PDGFD: variants seen among roughly 807,000 people sequenced by gnomAD.
PDGFD encodes platelet derived growth factor D.
PDGFD carries 30 observed loss-of-function variants against 44.7 expected under a neutral mutation model. The observed-to-expected ratio is 0.67, with a 90% confidence interval of 0.50 to 0.91. The LOEUF is 0.91. Among genes scored for constraint, PDGFD ranks in the 40% least tolerant of loss-of-function variants. The pLI, the probability that PDGFD is intolerant of heterozygous loss-of-function variation, is 0.00. For synonymous variants in PDGFD, 173 were observed against 168.4 expected (o/e 1.03, Z -0.21); for missense variants, 445 against 457.8 (o/e 0.97, Z 0.25).
At chr11:103,939,417 CTT>C (rs1465331093) in intron 5 of PDGFD, among the ~76,000 whole-genome samples, 4 of 152,108 alleles carry the variant, frequency 2.6e-5, no homozygotes, top group Non-Finnish European at 5.9e-5. Flanking sequence ...TATCCTGAGA[CTT>C]TGCTGAAATT....
At chr11:103,992,158 G>A (rs1859465065) in intron 3 of PDGFD, among the ~76,000 whole-genome samples, 3 of 152,178 alleles carry the variant, frequency 2.0e-5, no homozygotes, top group South Asian at 4.2e-4. Flanking sequence ...ATCTTTAATG[G>A]GGTAGAATCA....
At chr11:104,068,059 C>T (rs1375291581) in intron 1 of PDGFD, among the ~76,000 whole-genome samples, 1 of 152,052 alleles carries the variant, frequency 6.6e-6, no homozygotes, top group Non-Finnish European at 1.5e-5. Flanking sequence ...ACGTTTCTTT[C>T]CCATGTAATT....
At chr11:104,076,760 T>C (rs1423784322) in intron 1 of PDGFD, among the ~76,000 whole-genome samples, 3 of 152,204 alleles carry the variant, frequency 2.0e-5, no homozygotes, top group African/African-American at 7.2e-5. Flanking sequence ...GGATTTTCTC[T>C]GTCTCTGCCA....
intron 1 of PDGFD, among the ~76,000 whole-genome samples, chr11:104,141,951 T>C (rs114189716): frequency 0.01 from 1,539 of 152,320 alleles, 21 homozygotes; most frequent in African/African-American, 0.035. Context: ...AAGAAACTAA[T>C]ATACCATCTT....
At chr11:103,918,913 C>A (rs1858167039) in intron 6 of PDGFD, among the ~76,000 whole-genome samples, 1 of 152,088 alleles carries the variant, frequency 6.6e-6, no homozygotes, top group Non-Finnish European at 1.5e-5. Context: ...TATCTGGTCA[C>A]CTTTAAAGGG....
chr11:104,026,488 C>T (rs943817183), intron 1 of PDGFD, among the ~76,000 whole-genome samples: 1 of 151,662 alleles, frequency 6.6e-6, no homozygotes, highest in African/African-American at 2.4e-5. Context: ...GACCAAAAAA[C>T]ATTTTTTAAA....
At chr11:104,085,322 A>C (rs1861114267) in intron 1 of PDGFD, among the ~76,000 whole-genome samples, 1 of 152,308 alleles carries the variant, frequency 6.6e-6, no homozygotes, top group Non-Finnish European at 1.5e-5. Flanking sequence ...TTGTTATATA[A>C]GTAGGCTGCT....
chr11:103,937,464 A>G (rs1858507990), intron 5 of PDGFD, among the ~76,000 whole-genome samples: 1 of 152,168 alleles, frequency 6.6e-6, no homozygotes, highest in Non-Finnish European at 1.5e-5. Flanking sequence ...TTAATTTAGA[A>G]ATGTTGAATT....
chr11:104,141,536 GA>G (rs913216303), intron 1 of PDGFD, among the ~76,000 whole-genome samples: 11 of 151,962 alleles, frequency 7.2e-5, no homozygotes, highest in Non-Finnish European at 1.6e-4. Context: ...CTTAGCTCAA[GA>G]AATCCTCTTG....
At chr11:104,090,069 T>G (rs568787491) in intron 1 of PDGFD, among the ~76,000 whole-genome samples, 26 of 152,202 alleles carry the variant, frequency 1.7e-4, no homozygotes, top group Non-Finnish European at 3.2e-4. Context: ...TTTATAAGAG[T>G]GATTACAGTG....
At chr11:104,021,146 T>C (rs373259816) in intron 1 of PDGFD, among the ~76,000 whole-genome samples, 32 of 152,324 alleles carry the variant, frequency 2.1e-4, no homozygotes, top group African/African-American at 7.2e-4. Context: ...AGCTAGTCCA[T>C]GGATCCCATC....
At chr11:104,087,635 C>G (rs1247423467) in intron 1 of PDGFD, among the ~76,000 whole-genome samples, 1 of 152,182 alleles carries the variant, frequency 6.6e-6, no homozygotes, top group East Asian at 1.9e-4. Flanking sequence ...CCACAGATTA[C>G]TGTTTGCAAG....
At chr11:104,146,374 A>C (rs1299245853) in intron 1 of PDGFD, among the ~76,000 whole-genome samples, 3 of 152,198 alleles carry the variant, frequency 2.0e-5, no homozygotes, top group Non-Finnish European at 4.4e-5. Context: ...GACATCAGTC[A>C]GGATGTTTCA....
intron 6 of PDGFD, among the ~76,000 whole-genome samples, chr11:103,913,324 T>G (rs1174792809): frequency 6.6e-6 from 1 of 152,050 alleles, no homozygotes; most frequent in East Asian, 1.9e-4. Context: ...GTGCAATCTA[T>G]TTAGAACTCA....
chr11:104,043,507 C>T (rs1263475323), intron 1 of PDGFD, among the ~76,000 whole-genome samples: 1 of 152,200 alleles, frequency 6.6e-6, no homozygotes, highest in Admixed American at 6.5e-5. Context: ...CTGTGTTCAA[C>T]TCGCTACTAT....
chr11:104,001,164 G>C (rs538580305), intron 1 of PDGFD, among the ~76,000 whole-genome samples: 29 of 152,274 alleles, frequency 1.9e-4, no homozygotes, highest in South Asian at 4.2e-4. Flanking sequence ...TGAAGATTGA[G>C]TCCACTCATG....
At chr11:104,131,102 AGTT>A (rs1479237046) in intron 1 of PDGFD, among the ~76,000 whole-genome samples, 4 of 152,224 alleles carry the variant, frequency 2.6e-5, no homozygotes, top group African/African-American at 9.6e-5. Context: ...TAAAACATGA[AGTT>A]GTAGTCAGTC....
At chr11:104,104,283 G>T (rs1378027357) in intron 1 of PDGFD, among the ~76,000 whole-genome samples, 1 of 152,080 alleles carries the variant, frequency 6.6e-6, no homozygotes, top group Non-Finnish European at 1.5e-5. Flanking sequence ...AGCTAATTTT[G>T]ATTTGTTATC....
intron 1 of PDGFD, among the ~76,000 whole-genome samples, chr11:104,055,806 C>A (rs952151083): frequency 6.6e-6 from 1 of 152,034 alleles, no homozygotes; most frequent in East Asian, 1.9e-4. Context: ...ATAATGGAAC[C>A]GTTGCCATAG....
Sources: gnomAD v4.1 joint callset for allele counts (sites outside exome capture counted in the v4.1 genomes callset) on GRCh38, gnomAD v4.1.1 for gene constraint, MANE v1.5 for transcripts, NCBI Gene and HGNC (gene_info 2026-07-23, HGNC 2026-07-21) for gene names.